Variants in ST7 observed in about 807,000 individuals in gnomAD.
The protein encoded by ST7 is suppressor of tumorigenicity 7 protein.
Under a neutral mutation model 78.7 loss-of-function variants are expected in ST7, and 28 were observed. The observed-to-expected ratio is 0.36, with a 90% CI of 0.26 to 0.49. The LOEUF (loss-of-function observed/expected upper bound fraction) is 0.49. ST7 is among the 20% of genes least tolerant of loss of function. ST7 has a pLI of 0.99. For synonymous variants in ST7, 247 were observed against 249.6 expected (o/e 0.99, Z 0.10); for missense variants, 418 against 696.0 (o/e 0.60, Z 4.49).
chr7:117,160,668 T>C (rs185966816), intron 9 of ST7, among the ~76,000 whole-genome samples: 3 of 151,680 alleles, frequency 2.0e-5, no homozygotes, highest in Admixed American at 6.6e-5. Context: ...TATATATATA[T>C]ACATATATGT....
rs1167417629 is a variant in ST7, at chr7:116,968,318, TCC to T, written c.151+14628_151+14629del. 1.5e-3 allele frequency: 223 copies of T among 143,998 alleles called. 4 individuals carry two copies. The highest frequency in any genetic ancestry group is 2.6e-3 in the Non-Finnish European group (187 of 71,372). The allele number at this position is 143,998 out of a possible 1,614,324, so 8.9% of individuals were successfully genotyped here. Reference sequence around the variant, plus strand: ...CTCCTTCCTTCCTTCCTTCCTTCCTTCCTTCCTTCCTTTCCTCCCTCCCTCCC... The same window carrying T: ...CTCCTTCCTTCCTTCCTTCCTTCCTTTTCCTTCCTTTCCTCCCTCCCTCCC... On this transcript the variant is annotated intron_variant, in intron 1 of 15. Coordinates refer to ENST00000323984, the MANE Select transcript of ST7 (RefSeq NM_001369598.1).
chr7:117,194,255 A>C (rs1441217284), intron 12 of ST7, among the ~76,000 whole-genome samples: 1 of 152,200 alleles, frequency 6.6e-6, no homozygotes, highest in African/African-American at 2.4e-5. Context: ...CCATAGGAAA[A>C]GGCATAAACT....
At chr7:117,188,782 CT>C (rs1162168672) in intron 10 of ST7, among the ~76,000 whole-genome samples, 1 of 136,796 alleles carries the variant, frequency 7.3e-6, no homozygotes, top group Non-Finnish European at 1.5e-5. Flanking sequence ...ATAACTTGGA[CT>C]TTTACATTTT....
intron 9 of ST7, among the ~76,000 whole-genome samples, chr7:117,151,555 A>G (rs1806247986): frequency 6.6e-6 from 1 of 151,944 alleles, no homozygotes. Flanking sequence ...TTTTTTTCTT[A>G]TCTATTTTTC....
At chr7:117,113,444 GAA>G (rs140002685) in intron 2 of ST7, among the ~76,000 whole-genome samples, 2,285 of 152,248 alleles carry the variant, frequency 0.015, 72 homozygotes, top group African/African-American at 0.052. Flanking sequence ...AAAAGGAAAA[GAA>G]AGAGAGAAGA....
At position 116,974,169 on chromosome 7, in the gene ST7, C is replaced by G. The variant is rs549624814; in HGVS notation, c.151+20478C>G. Among the ~76,000 whole-genome samples, 9 of 152,162 alleles carry G rather than the reference C, an allele frequency of 5.9e-5. No individual in the cohort carries two copies. In the East Asian group the frequency reaches 1.7e-3, roughly 29 times the overall value. On this transcript the variant is annotated intron_variant, in intron 1 of 15. Coordinates refer to ENST00000323984, the MANE Select transcript of ST7 (RefSeq NM_001369598.1). ...TTCTCCCATATAATTTTTAAATATCCCCCTCAGGTATTCTTGTACTTAAAA... is the reference window on the plus strand; with the variant it reads ...TTCTCCCATATAATTTTTAAATATCGCCCTCAGGTATTCTTGTACTTAAAA...
At chr7:117,020,174 C>T in intron 1 of ST7, 1 of 167,130 alleles carries the variant, frequency 6.0e-6, no homozygotes, top group Non-Finnish European at 1.3e-5. Flanking sequence ...TCGGTCTGTG[C>T]AGTGTCCCTG....
At chr7:117,136,034 A>G (rs1804765534) in intron 7 of ST7, 47 bp from the exon 8 acceptor site, 2 of 1,599,974 alleles carry the variant, frequency 1.3e-6, no homozygotes, top group South Asian at 1.1e-5. Context: ...GTCTATTACC[A>G]TGTCCTTGGC....
At position 117,063,133 on chromosome 7, in the gene ST7, C is replaced by G. The variant is rs543555980; in HGVS notation, c.152-36629C>G. Among the ~76,000 whole-genome samples, 11 of 152,178 alleles carry G rather than the reference C, an allele frequency of 7.2e-5. No individual in the cohort carries two copies. The South Asian group carries it at 2.1e-3, about 29-fold the overall frequency. ...TCAAAGATAAAACTGGAAATAGAATCTTGTTTGCTTTTTTGTTTCTTTGCT... is the reference window on the plus strand; with the variant it reads ...TCAAAGATAAAACTGGAAATAGAATGTTGTTTGCTTTTTTGTTTCTTTGCT... On this transcript the variant is annotated intron_variant, in intron 1 of 15. Coordinates refer to ENST00000323984, the MANE Select transcript of ST7 (RefSeq NM_001369598.1).
At position 117,223,854 on chromosome 7, in the gene ST7, T is replaced by G. The variant is rs1055180824; in HGVS notation, c.1638+1792T>G. ...CATTATCTCTGTATCCCCAAGGCTT[T>G]GCACAGTGCCTTGCTCATAGTAGGT... is the stretch of plus-strand genomic sequence containing the variant. On this transcript the variant is annotated intron_variant, in intron 15 of 15. Transcript: ENST00000323984. 5.8e-6 allele frequency: 4 copies of G among 691,048 alleles called. No individual in the cohort carries two copies. In the African/African-American group the frequency reaches 7.8e-5, roughly 13 times the overall value. 42.8% of individuals were successfully genotyped at this position (691,048 alleles called of 1,614,324 possible).
At chr7:117,075,754 T>A (rs1051209917) in intron 1 of ST7, among the ~76,000 whole-genome samples, 16 of 152,338 alleles carry the variant, frequency 1.1e-4, no homozygotes, top group South Asian at 2.1e-4. Flanking sequence ...TTTATCCTGA[T>A]CTTTCTCAAA....
At chr7:117,015,127 G>A (rs1021900545) in intron 1 of ST7, 9 of 521,958 alleles carry the variant, frequency 1.7e-5, no homozygotes, top group East Asian at 7.4e-5. Context: ...AAAATATTGT[G>A]CATCAGTTTA....
At chr7:117,044,855 T>G (rs1374030402) in intron 1 of ST7, among the ~76,000 whole-genome samples, 3 of 152,190 alleles carry the variant, frequency 2.0e-5, no homozygotes. Flanking sequence ...GCTCACCCAG[T>G]TGCCTAGTCA....
Position 117,126,176 on chromosome 7 carries a change from G to A in ST7, c.395-3617G>A, listed in dbSNP as rs554550401. ...ATACTTTAGATTCTGGGAAGATGTG[G>A]TAACTTTTTAGTATAAGAAACCCTT... On this transcript the variant is annotated intron_variant, in intron 3 of 15. Transcript: ENST00000323984. Among the ~76,000 whole-genome samples the A allele has an allele frequency of 3.9e-5, 6 of 151,976 alleles. No individual in the cohort carries two copies. The South Asian group carries it at 1.0e-3, about 26-fold the overall frequency.
At chr7:117,061,272 C>T (rs963539334) in intron 1 of ST7, among the ~76,000 whole-genome samples, 1 of 152,106 alleles carries the variant, frequency 6.6e-6, no homozygotes, top group East Asian at 1.9e-4. Flanking sequence ...TTCCTGCAGT[C>T]TTAACCACAA....
At chr7:117,169,685 T>A (rs1807836530) in intron 9 of ST7, among the ~76,000 whole-genome samples, 1 of 152,158 alleles carries the variant, frequency 6.6e-6, no homozygotes, top group African/African-American at 2.4e-5. Flanking sequence ...TCATTTGACA[T>A]CTTGCTACTG....
At chr7:116,969,591 C>T (rs1229109957) in intron 1 of ST7, among the ~76,000 whole-genome samples, 1 of 152,128 alleles carries the variant, frequency 6.6e-6, no homozygotes, top group South Asian at 2.1e-4. Context: ...GGAAGGAGTT[C>T]GCTTTGCACA....
At chr7:117,075,625 C>T (rs928034644) in intron 1 of ST7, among the ~76,000 whole-genome samples, 1 of 152,146 alleles carries the variant, frequency 6.6e-6, no homozygotes. Context: ...CTGTGTGAGG[C>T]CTGAACCAGT....
intron 9 of ST7, among the ~76,000 whole-genome samples, chr7:117,167,028 G>C (rs1459337009): frequency 1.3e-5 from 2 of 151,804 alleles, no homozygotes; most frequent in African/African-American, 4.8e-5. Context: ...AGCATGGTTA[G>C]AGAAAAGAGG....
Sources: allele counts gnomAD v4.1 joint callset (sites outside exome capture counted in the v4.1 genomes callset), GRCh38; gene constraint gnomAD v4.1.1; transcripts MANE v1.5; gene names NCBI Gene and HGNC (gene_info 2026-07-23, HGNC 2026-07-21).